The following ESRRG variants were observed in gnomAD, a reference collection of about 807,000 sequenced individuals.
ESRRG encodes estrogen related receptor gamma, also known as estrogen-related receptor gamma.
Under a neutral mutation model 44.0 loss-of-function variants are expected in ESRRG, and 13 were observed. That is an observed-to-expected ratio of 0.30 (90% CI 0.19 to 0.47). The LOEUF is 0.47. Ranked by LOEUF, ESRRG falls within the 20% of genes least tolerant of loss-of-function variation. ESRRG has a pLI of 1.00. For missense variants in ESRRG, 395 were observed against 580.6 expected (o/e 0.68, Z 3.29); for synonymous variants, 215 against 214.6 (o/e 1.00, Z -0.02).
chr1:216,512,690 T>G (rs2043073537), intron 6 of ESRRG, among the ~76,000 whole-genome samples: 1 of 152,034 alleles, frequency 6.6e-6, no homozygotes, highest in Non-Finnish European at 1.5e-5. Context: ...CTTATCGTGG[T>G]AGGCTGAAAA....
chr1:216,593,476 C>A, intron 3 of ESRRG, among the ~76,000 whole-genome samples: 1 of 152,198 alleles, frequency 6.6e-6, no homozygotes, highest in East Asian at 1.9e-4. Context: ...AGTGGAACAT[C>A]TAGGACAACT....
At chr1:217,107,594 C>A (rs2092613061) in intron 1 of ESRRG, among the ~76,000 whole-genome samples, 1 of 152,156 alleles carries the variant, frequency 6.6e-6, no homozygotes, top group South Asian at 2.1e-4. Context: ...ATGAACATTT[C>A]ATTGTGGGTA....
In ESRRG at chr1:216,677,509, CAAAG is replaced by C; in HGVS notation, c.57-22_57-19del. 1 of 1,565,356 alleles carries C rather than the reference CAAAG, an allele frequency of 6.4e-7. No individual in the cohort carries two copies. The highest frequency in any genetic ancestry group is 8.7e-7 in the Non-Finnish European group (1 of 1,152,744). ...AGAGAAGCCTGAGATTGAGGAGATA[CAAAG>C]AGAGACAGAAAGAGGAGAGAGTGTC... On this transcript the variant is annotated intron_variant, in intron 1 of 6. Coordinates refer to ENST00000408911, the MANE Select transcript of ESRRG (RefSeq NM_001438.4).
chr1:216,815,046 C>T (rs1014356833), intron 2 of ESRRG, among the ~76,000 whole-genome samples: 21 of 152,084 alleles, frequency 1.4e-4, no homozygotes, highest in African/African-American at 3.9e-4. Context: ...AAGGGCTTGA[C>T]GCAGGGAAGA....
chr1:217,089,407 G>T (rs568234168), intron 1 of ESRRG: 3 of 151,642 alleles, frequency 2.0e-5, no homozygotes, highest in Admixed American at 2.0e-4. Context: ...AAGGGGGAAG[G>T]GGGTAGCAAT....
At chr1:216,919,104 T>C (rs2061525287) in intron 2 of ESRRG, among the ~76,000 whole-genome samples, 1 of 152,122 alleles carries the variant, frequency 6.6e-6, no homozygotes, top group Non-Finnish European at 1.5e-5. Context: ...CCTTATCTAA[T>C]GTTTCCATTT....
intron 6 of ESRRG, among the ~76,000 whole-genome samples, chr1:216,513,300 A>C (rs2043256148): frequency 6.6e-6 from 1 of 152,234 alleles, no homozygotes. Context: ...CTGTAGAAAC[A>C]GGTGGCAGAA....
intron 1 of ESRRG, among the ~76,000 whole-genome samples, chr1:217,119,051 A>ATAGATAGAT (rs377704100): frequency 3.5e-5 from 5 of 141,944 alleles, no homozygotes. Flanking sequence ...AGATAGATAG[A>ATAGATAGAT]GACACAGATA....
chr1:216,844,970 C>T (rs558142750), intron 2 of ESRRG, among the ~76,000 whole-genome samples: 2 of 152,234 alleles, frequency 1.3e-5, no homozygotes, highest in African/African-American at 4.8e-5. Context: ...AATTCTGCCT[C>T]ATTATTCTGG....
intron 2 of ESRRG, among the ~76,000 whole-genome samples, chr1:216,820,197 T>A: frequency 6.6e-6 from 1 of 152,200 alleles, no homozygotes; most frequent in East Asian, 1.9e-4. Flanking sequence ...CCATTTTCAT[T>A]CAACACTCAC....
intron 1 of ESRRG, chr1:217,000,648 A>G (rs1179787589): frequency 6.6e-6 from 1 of 152,220 alleles, no homozygotes; most frequent in Non-Finnish European, 1.5e-5. Context: ...ATTTCTTTAG[A>G]TGTTTCATAA....
intron 2 of ESRRG, among the ~76,000 whole-genome samples, chr1:216,933,924 C>A (rs945485689): frequency 2.0e-5 from 3 of 152,184 alleles, no homozygotes; most frequent in Non-Finnish European, 4.4e-5. Flanking sequence ...GGCCTATCAA[C>A]CCTGCAATGT....
At chr1:216,914,420 A>T (rs2060875180) in intron 2 of ESRRG, among the ~76,000 whole-genome samples, 1 of 152,270 alleles carries the variant, frequency 6.6e-6, no homozygotes, top group South Asian at 2.1e-4. Flanking sequence ...TCTTTTTCCC[A>T]TTGTAAGTTA....
chr1:216,619,388 G>A (rs2061868398), intron 3 of ESRRG, among the ~76,000 whole-genome samples: 1 of 152,134 alleles, frequency 6.6e-6, no homozygotes, highest in Admixed American at 6.5e-5. Context: ...ATTCTATTGT[G>A]GATCACCAAT....
At chr1:216,731,569 A>C (rs1317489233) in intron 2 of ESRRG, among the ~76,000 whole-genome samples, 1 of 152,244 alleles carries the variant, frequency 6.6e-6, no homozygotes, top group Non-Finnish European at 1.5e-5. Flanking sequence ...TTTTGGATGC[A>C]AAAGAGAGTA....
At chr1:216,546,440 C>T (rs1310306597) in intron 5 of ESRRG, among the ~76,000 whole-genome samples, 5 of 152,072 alleles carry the variant, frequency 3.3e-5, no homozygotes, top group Non-Finnish European at 4.4e-5. Flanking sequence ...CTCCAACTCT[C>T]ATAGCAATAC....
rs145314514 is a variant in ESRRG at position 217,076,436 on chromosome 1, T to C, written c.-106+13071A>G. Among the ~76,000 whole-genome samples the C allele has an allele frequency of 1.2e-3, 178 of 152,294 alleles. 1 individual carries two copies. The highest frequency in any genetic ancestry group is 3.9e-3 in the South Asian group (19 of 4,826). On this transcript the variant is annotated intron_variant, in intron 1 of 7. Coordinates refer to the ESRRG transcript ENST00000359162. ...GTACAATTTGCTCATTTTTCTCGGT[T>C]GAAGGCAAATTTATGAATACAATCA...
chr1:216,622,635 C>CAT (rs1461831315), intron 3 of ESRRG, among the ~76,000 whole-genome samples: 4 of 152,010 alleles, frequency 2.6e-5, no homozygotes, highest in African/African-American at 9.7e-5. Context: ...CACACACACA[C>CAT]GCTTCCCATA....
intron 1 of ESRRG, among the ~76,000 whole-genome samples, chr1:216,678,097 T>C (rs1302664713): frequency 1.3e-5 from 2 of 152,236 alleles, no homozygotes; most frequent in Non-Finnish European, 2.9e-5. Flanking sequence ...CTAAAACACA[T>C]AGGGAATATA....
Sources: allele counts gnomAD v4.1 joint callset (sites outside exome capture counted in the v4.1 genomes callset), GRCh38; gene constraint gnomAD v4.1.1; transcripts MANE v1.5; gene names NCBI Gene and HGNC (gene_info 2026-07-23, HGNC 2026-07-21).